Variants in RGL1 observed in about 807,000 individuals in gnomAD.
The protein encoded by RGL1 is ral guanine nucleotide dissociation stimulator-like 1.
In RGL1, 24 loss-of-function variants were observed where a neutral mutation model predicts 95.2. The observed-to-expected ratio is 0.25, with a 90% CI of 0.18 to 0.35. The LOEUF is 0.35. Ranked by LOEUF, RGL1 falls within the 10% of genes least tolerant of loss-of-function variation. The pLI, the probability that RGL1 is intolerant of heterozygous loss-of-function variation, is 1.00. For missense variants in RGL1, 715 were observed against 936.3 expected, an observed-to-expected ratio of 0.76 and a Z score of 3.08; for synonymous variants, 329 against 344.9, an observed-to-expected ratio of 0.95 and a Z score of 0.51.
intron 2 of RGL1, among the ~76,000 whole-genome samples, chr1:183,770,327 G>GAGAC (rs1659209461): frequency 6.6e-6 from 1 of 152,158 alleles, no homozygotes; most frequent in Non-Finnish European, 1.5e-5. Context: ...TAGTACCAGA[G>GAGAC]AGACAGAGAG....
At chr1:183,870,959 G>C (rs1666149447) in intron 4 of RGL1, among the ~76,000 whole-genome samples, 1 of 152,150 alleles carries the variant, frequency 6.6e-6, no homozygotes, top group Non-Finnish European at 1.5e-5. Context: ...TCACTTACCA[G>C]TCATCTGACC....
At chr1:183,860,692 C>G (rs1308926744) in intron 3 of RGL1, among the ~76,000 whole-genome samples, 3 of 152,158 alleles carry the variant, frequency 2.0e-5, no homozygotes, top group Non-Finnish European at 4.4e-5. Context: ...TCACCCTGAC[C>G]TGCTTTATTT....
At chr1:183,684,897 G>C in intron 1 of RGL1, among the ~76,000 whole-genome samples, 1 of 152,140 alleles carries the variant, frequency 6.6e-6, no homozygotes, top group East Asian at 1.9e-4. Flanking sequence ...CCCTGCTTCG[G>C]CTCACCCTCC....
At chr1:183,707,304 T>G (rs928271996) in intron 1 of RGL1, among the ~76,000 whole-genome samples, 3 of 152,162 alleles carry the variant, frequency 2.0e-5, no homozygotes, top group Non-Finnish European at 4.4e-5. Context: ...GGTTAGTTCA[T>G]AAGACTGGGT....
intron 8 of RGL1, among the ~76,000 whole-genome samples, chr1:183,890,773 C>T (rs1040090523): frequency 2.6e-5 from 4 of 152,064 alleles, no homozygotes; most frequent in Admixed American, 6.6e-5. Flanking sequence ...TCTATGGACA[C>T]GGAATGTAGA....
chr1:183,727,373 A>G (rs1374991162), intron 1 of RGL1, among the ~76,000 whole-genome samples: 3 of 152,240 alleles, frequency 2.0e-5, no homozygotes, highest in Non-Finnish European at 4.4e-5. Flanking sequence ...GAACCTCCTC[A>G]ATCTCATAAA....
intron 1 of RGL1, among the ~76,000 whole-genome samples, chr1:183,707,795 G>T (rs1022626609): frequency 6.6e-6 from 1 of 151,904 alleles, no homozygotes; most frequent in Non-Finnish European, 1.5e-5. Flanking sequence ...AGGCTTGGGG[G>T]TTAAAGAAGA....
intron 2 of RGL1, among the ~76,000 whole-genome samples, chr1:183,797,533 A>G (rs546365809): frequency 6.6e-6 from 1 of 152,338 alleles, no homozygotes; most frequent in South Asian, 2.1e-4. Flanking sequence ...GCTTGCCTAA[A>G]TATAAAAACG....
chr1:183,920,283 C>T (rs1309657902), intron 16 of RGL1, among the ~76,000 whole-genome samples: 1 of 152,192 alleles, frequency 6.6e-6, no homozygotes, highest in Non-Finnish European at 1.5e-5. Flanking sequence ...GATCCACCTG[C>T]CTCGGCCTCC....
intron 17 of RGL1, 70 bp downstream of exon 17, chr1:183,922,406 G>C: frequency 8.9e-7 from 1 of 1,122,680 alleles, no homozygotes; most frequent in Non-Finnish European, 1.3e-6. Flanking sequence ...ACAGTGCTCC[G>C]CGTTTAGAAG....
At chr1:183,684,904 C>G (rs1037632454) in intron 1 of RGL1, among the ~76,000 whole-genome samples, 1 of 152,192 alleles carries the variant, frequency 6.6e-6, no homozygotes, top group Non-Finnish European at 1.5e-5. Context: ...TCGGCTCACC[C>G]TCCATGGGCT....
At chr1:183,655,242 C>G (rs1213121286) in intron 1 of RGL1, among the ~76,000 whole-genome samples, 1 of 152,216 alleles carries the variant, frequency 6.6e-6, no homozygotes, top group Non-Finnish European at 1.5e-5. Context: ...AATCTATGTT[C>G]TGACAACCCA....
intron 2 of RGL1, among the ~76,000 whole-genome samples, chr1:183,787,857 G>C (rs1240058545): frequency 1.3e-5 from 2 of 151,626 alleles, no homozygotes; most frequent in Non-Finnish European, 2.9e-5. Flanking sequence ...CCTCCCCGCT[G>C]TCTCTCTTGC....
rs144296737 is a variant in RGL1 at position 183,835,162 on chromosome 1, C to T, written c.139-12404C>T. ...AATGTTTGCTTTCTTGGTTTCTGTT[C>T]ATTTGGACAAATTGGATCTGTGTTT... On this transcript the variant is annotated intron_variant, in intron 2 of 17. Coordinates refer to ENST00000360851, the MANE Select transcript of RGL1 (RefSeq NM_001297671.3). 2.0e-3 allele frequency among the ~76,000 whole-genome samples: 299 copies of T among 151,406 alleles called. 1 individual carries two copies. Among genetic ancestry groups the T allele is most frequent in the Non-Finnish European group, 3.9e-3 (265 of 67,816 alleles).
chr1:183,792,663 T>C (rs981991995), intron 2 of RGL1, among the ~76,000 whole-genome samples: 2 of 151,984 alleles, frequency 1.3e-5, no homozygotes, highest in Non-Finnish European at 2.9e-5. Context: ...CTCTATATGC[T>C]AATAATAAAC....
chr1:183,903,122 A>G (rs1668120319), intron 12 of RGL1, among the ~76,000 whole-genome samples: 1 of 152,194 alleles, frequency 6.6e-6, no homozygotes, highest in Admixed American at 6.5e-5. Flanking sequence ...GCACACCATA[A>G]ATACAAACAA....
intron 2 of RGL1, among the ~76,000 whole-genome samples, chr1:183,791,546 T>C (rs1227092797): frequency 6.6e-6 from 1 of 152,244 alleles, no homozygotes; most frequent in Non-Finnish European, 1.5e-5. Context: ...GCAATTCTAG[T>C]GTTATGTAAC....
chr1:183,735,430 A>G (rs1327054869), intron 1 of RGL1, among the ~76,000 whole-genome samples: 1 of 152,180 alleles, frequency 6.6e-6, no homozygotes, highest in Non-Finnish European at 1.5e-5. Context: ...ATTTTTTAAA[A>G]GGGTGATGGA....
At chr1:183,829,029 T>C (rs1333620893) in intron 2 of RGL1, among the ~76,000 whole-genome samples, 1 of 152,226 alleles carries the variant, frequency 6.6e-6, no homozygotes, top group Non-Finnish European at 1.5e-5. Context: ...TGGTTCTTAA[T>C]CATCAATGCT....
Sources: allele counts gnomAD v4.1 joint callset (sites outside exome capture counted in the v4.1 genomes callset), GRCh38; gene constraint gnomAD v4.1.1; transcripts MANE v1.5; gene names NCBI Gene and HGNC (gene_info 2026-07-23, HGNC 2026-07-21).